Variants in CC2D2A observed in about 807,000 individuals in gnomAD.
CC2D2A encodes the protein coiled-coil and C2 domain-containing protein 2A.
In CC2D2A, 155 loss-of-function variants were observed where a neutral mutation model predicts 212.9. The observed-to-expected ratio is 0.73, with a 90% CI of 0.64 to 0.83. The LOEUF is 0.83. Ranked by LOEUF, CC2D2A falls within the 40% of genes least tolerant of loss-of-function variation. The pLI is 0.00. For missense variants in CC2D2A, 1,856 were observed against 1,956.2 expected (o/e 0.95, Z 0.97); for synonymous variants, 667 against 686.5 (o/e 0.97, Z 0.44).
In CC2D2A at chr4:15,528,623, CA is replaced by C; in HGVS notation, c.1365del (p.Ala456LeufsTer2). On this transcript the variant is annotated frameshift_variant, in exon 13 of 37. Coordinates refer to ENST00000424120, the MANE Select transcript of CC2D2A (RefSeq NM_001378615.1). LOFTEE classifies it high-confidence loss of function. The stretch of plus-strand genomic sequence containing the variant: ...CTTGTATCCATGTCGTTTTAAGCTC[CA>C]AGCTTTAAGAAATGCTGTTCAGACT... Reference protein sequence around the residue: ...NKAKFLTDKLQALRNAVQTGL... With the variant: ...NKAKFLTDKLXALRNAVQTGL... 3.7e-6 allele frequency: 6 copies of C among 1,613,576 alleles called. No individual in the cohort carries two copies. The highest frequency in any genetic ancestry group is 5.1e-6 in the Non-Finnish European group (6 of 1,179,606).
chr4:15,552,664 T>C (rs1427305694), intron 18 of CC2D2A, among the ~76,000 whole-genome samples: 1 of 152,212 alleles, frequency 6.6e-6, no homozygotes, highest in Non-Finnish European at 1.5e-5. Flanking sequence ...CCCCATGAGA[T>C]CAGAAGTTCT....
At chr4:15,505,630 C>T (rs754117062) in intron 6 of CC2D2A, among the ~76,000 whole-genome samples, 1 of 152,164 alleles carries the variant, frequency 6.6e-6, no homozygotes, top group Non-Finnish European at 1.5e-5. Context: ...AATGGCACCT[C>T]GTCCCAGCCT....
chr4:15,486,457 T>A (rs2108981246), intron 4 of CC2D2A, among the ~76,000 whole-genome samples: 1 of 152,226 alleles, frequency 6.6e-6, no homozygotes, highest in Non-Finnish European at 1.5e-5. Flanking sequence ...ATATAGTTGC[T>A]CATAATAGTC....
At chr4:15,519,918 C>T in intron 11 of CC2D2A, 1 of 229,480 alleles carries the variant, frequency 4.4e-6, no homozygotes, top group South Asian at 5.8e-5. Context: ...CTGCCTCCTT[C>T]AGAAACCTGT....
chr4:15,560,640 CATT>C lies in CC2D2A; in HGVS notation c.3014+24_3014+26del, dbSNP rs780647289. On this transcript the variant is annotated intron_variant, in intron 23 of 36. Coordinates refer to ENST00000424120, the MANE Select transcript of CC2D2A (RefSeq NM_001378615.1). ...AATATCAGGTAAAAATAATCAAAGC[CATT>C]ATTATCAATTCTTATAAAAATTATT... 140 of 1,012,214 alleles carry C rather than the reference CATT, an allele frequency of 1.4e-4. 1 individual carries two copies. The East Asian group carries it at 3.5e-3, about 25-fold the overall frequency. The allele number at this position is 1,012,214 out of a possible 1,614,324, so 62.7% of individuals were successfully genotyped here.
At chr4:15,480,909 T>C in intron 4 of CC2D2A, 82 bp downstream of exon 4, 1 of 1,497,918 alleles carries the variant, frequency 6.7e-7, no homozygotes, top group East Asian at 2.3e-5. Context: ...GGATTTTTTA[T>C]GGGTGTTATT....
chr4:15,509,757 G>T (rs996234646), intron 6 of CC2D2A, among the ~76,000 whole-genome samples: 1 of 152,168 alleles, frequency 6.6e-6, no homozygotes. Flanking sequence ...TGAACCCATT[G>T]TGTGAAGGTA....
chr4:15,592,203 T>G (rs1043326965), intron 33 of CC2D2A, among the ~76,000 whole-genome samples: 2 of 152,182 alleles, frequency 1.3e-5, no homozygotes, highest in African/African-American at 4.8e-5. Flanking sequence ...TCCTCTATTT[T>G]TTCTCTCTCC....
At chr4:15,581,957 A>C (rs980615215) in intron 30 of CC2D2A, among the ~76,000 whole-genome samples, 2 of 152,248 alleles carry the variant, frequency 1.3e-5, no homozygotes, top group Non-Finnish European at 2.9e-5. Context: ...AATCACCATA[A>C]AGAAGGTAAG....
At chr4:15,600,459 G>C (rs1160611071) in intron 36 of CC2D2A, among the ~76,000 whole-genome samples, 1 of 152,142 alleles carries the variant, frequency 6.6e-6, no homozygotes, top group Non-Finnish European at 1.5e-5. Context: ...AGCAAATGCT[G>C]GAACACTTAC....
chr4:15,551,398 A>G (rs1719000740), intron 18 of CC2D2A, among the ~76,000 whole-genome samples: 1 of 152,146 alleles, frequency 6.6e-6, no homozygotes, highest in Non-Finnish European at 1.5e-5. Flanking sequence ...CTCCTTCTAT[A>G]ATTCCGATTG....
At chr4:15,549,562 G>A (rs1241219260) in intron 17 of CC2D2A, among the ~76,000 whole-genome samples, 1 of 152,182 alleles carries the variant, frequency 6.6e-6, no homozygotes, top group Non-Finnish European at 1.5e-5. Context: ...CAGCACATGG[G>A]GAAGCTGAGG....
rs531271323 is a variant in CC2D2A, at chr4:15,555,881, C to A, written c.2625+671C>A. ...CCTTCTCCAGAGAGGAAGCTGAGTT[C>A]AGAAACTCAGCGTTATTTGCTTAAG... On this transcript the variant is annotated intron_variant, in intron 20 of 36. Transcript: ENST00000424120. Among the ~76,000 whole-genome samples the A allele has an allele frequency of 9.8e-5, 15 of 152,332 alleles. No homozygotes were observed. The South Asian group carries it at 1.9e-3, about 19-fold the overall frequency.
At chr4:15,576,406 T>C (rs1310816684) in intron 29 of CC2D2A, 3 of 982,672 alleles carry the variant, frequency 3.1e-6, no homozygotes, top group Non-Finnish European at 3.6e-6. Flanking sequence ...TCTACCACCA[T>C]GCCATATGGA....
chr4:15,535,383 GTAAAC>G (rs2109032248), intron 14 of CC2D2A, among the ~76,000 whole-genome samples: 1 of 151,856 alleles, frequency 6.6e-6, no homozygotes, highest in East Asian at 1.9e-4. Flanking sequence ...AGTTTATAGG[GTAAAC>G]TAAATTTATA....
chr4:15,561,736 CA>C (rs1364929092), intron 23 of CC2D2A: 1 of 152,164 alleles, frequency 6.6e-6, no homozygotes, highest in Non-Finnish European at 1.5e-5. Flanking sequence ...GACTTACCTC[CA>C]GGGGAGGGAG....
intron 11 of CC2D2A, among the ~76,000 whole-genome samples, chr4:15,524,408 G>A (rs919391416): frequency 2.2e-4 from 33 of 150,820 alleles, no homozygotes; most frequent in Non-Finnish European, 4.4e-4. Context: ...TGGGATTACA[G>A]GCATGAGCCA....
At chr4:15,535,635 C>G (rs1303385196) in intron 14 of CC2D2A, among the ~76,000 whole-genome samples, 1 of 152,212 alleles carries the variant, frequency 6.6e-6, no homozygotes, top group South Asian at 2.1e-4. Flanking sequence ...CCGAATTCCC[C>G]CTGGTGTTTA....
chr4:15,577,405 A>G (rs1394186562), intron 29 of CC2D2A, among the ~76,000 whole-genome samples: 1 of 152,214 alleles, frequency 6.6e-6, no homozygotes, highest in African/African-American at 2.4e-5. Flanking sequence ...CTGTTGAATC[A>G]AACTGAAATT....
Sources: allele counts gnomAD v4.1 joint callset (sites outside exome capture counted in the v4.1 genomes callset), GRCh38; gene constraint gnomAD v4.1.1; transcripts MANE v1.5; gene names NCBI Gene and HGNC (gene_info 2026-07-23, HGNC 2026-07-21).